Variants in MSH4 observed in about 807,000 individuals in gnomAD.
The protein encoded by MSH4 is mutS homolog 4.
MSH4 carries 106 observed loss-of-function variants against 113.7 expected under a neutral mutation model. The ratio of observed to expected loss-of-function variants is 0.93; its 90% CI spans 0.80 to 1.10. MSH4 has a LOEUF of 1.10. Ranked by LOEUF, MSH4 falls within the 50% of genes least tolerant of loss-of-function variation. The probability of loss-of-function intolerance (pLI) is 0.00; values close to 1 mark genes in which losing one functional copy is unlikely to be tolerated. For missense variants in MSH4, 1,061 were observed against 1,093.7 expected (o/e 0.97, Z 0.42); for synonymous variants, 368 against 380.2 (o/e 0.97, Z 0.37).
intron 9 of MSH4, among the ~76,000 whole-genome samples, chr1:75,873,789 A>G (rs1165909175): frequency 1.3e-5 from 2 of 152,102 alleles, no homozygotes; most frequent in Non-Finnish European, 2.9e-5. Context: ...CATGATGTAT[A>G]TAAACCACAT....
chr1:75,882,368 C>T (rs953873758), intron 14 of MSH4, among the ~76,000 whole-genome samples: 1 of 151,846 alleles, frequency 6.6e-6, no homozygotes, highest in African/African-American at 2.4e-5. Flanking sequence ...CAAGTTTATG[C>T]ATTTTAGATA....
chr1:75,878,205 T>C lies in MSH4; in HGVS notation c.1427T>C (p.Met476Thr), dbSNP rs140589707. Residue 476 changes from methionine to threonine, a missense_variant, in exon 11 of 20, where the codon ATG (methionine) becomes ACG (threonine). Physicochemically the swap from Met to Thr is moderately conservative, Grantham distance 81. Coordinates refer to ENST00000263187, the MANE Select transcript of MSH4 (RefSeq NM_002440.4). ...KTVINDDARY[M>T]KGCLNMRTQK... ...GTAATTAATGATGATGCAAGATACA[T>C]GAAAGGATGCCTAAACATGAGGACT... The C allele has an allele frequency of 2.5e-5, 40 of 1,609,626 alleles. No homozygotes were observed. The highest frequency in any genetic ancestry group is 3.3e-5 in the Non-Finnish European group (39 of 1,178,410).
chr1:75,823,791 G>C (rs1650483261), intron 7 of MSH4, among the ~76,000 whole-genome samples: 1 of 152,114 alleles, frequency 6.6e-6, no homozygotes, highest in Admixed American at 6.6e-5. Context: ...CCATGTCCCT[G>C]CAGAGGTCAT....
chr1:75,885,094 T>A (rs1652041867), intron 15 of MSH4, among the ~76,000 whole-genome samples: 1 of 137,002 alleles, frequency 7.3e-6, no homozygotes, highest in Admixed American at 7.8e-5. Flanking sequence ...GAGGCTTCTG[T>A]AATAATCTAG....
chr1:75,867,250 A>T (rs183834004), intron 8 of MSH4, among the ~76,000 whole-genome samples: 1 of 152,332 alleles, frequency 6.6e-6, no homozygotes, highest in Admixed American at 6.5e-5. Flanking sequence ...TTCAGTTTAA[A>T]TTGAACCCAA....
At chr1:75,884,149 T>C (rs1652002572) in intron 15 of MSH4, among the ~76,000 whole-genome samples, 2 of 152,146 alleles carry the variant, frequency 1.3e-5, no homozygotes, top group South Asian at 4.1e-4. Flanking sequence ...CAAAGTTTGT[T>C]GTGAGAAAAA....
At chr1:75,800,887 G>C (rs1165906335) in intron 1 of MSH4, among the ~76,000 whole-genome samples, 1 of 152,152 alleles carries the variant, frequency 6.6e-6, no homozygotes, top group Non-Finnish European at 1.5e-5. Context: ...TGTCCGATGT[G>C]GTAACTAGTA....
intron 7 of MSH4, among the ~76,000 whole-genome samples, chr1:75,842,629 G>A (rs1650984436): frequency 3.3e-5 from 5 of 152,202 alleles, no homozygotes; most frequent in Admixed American, 3.3e-4. Flanking sequence ...AGGAGACACA[G>A]TGAGAAGTGA....
At chr1:75,814,443 C>A (rs5019550) in intron 4 of MSH4, among the ~76,000 whole-genome samples, 4 of 151,692 alleles carry the variant, frequency 2.6e-5, no homozygotes, top group African/African-American at 9.7e-5. Flanking sequence ...CCAGCCTGGG[C>A]AACAGAGTGA....
chr1:75,797,014 C>G lies in MSH4; in HGVS notation c.29C>G (p.Ser10Trp). Residue 10 changes from serine (S) to tryptophan (W), a missense_variant, in exon 1 of 20, where the codon TCG becomes TGG. By Grantham distance (177) the Ser-to-Trp change is radical. Transcript: ENST00000263187. ...CTGAGGCCTGAGATCTCATCAACCT[C>G]GCCTTCTGCCCCGGCGGTTTCCCCG... Reference protein sequence around the residue: MLRPEISSTSPSAPAVSPSS... With the variant: MLRPEISSTWPSAPAVSPSS... The G allele has an allele frequency of 6.2e-7, 1 of 1,614,100 alleles. No individual in the cohort carries two copies. Among genetic ancestry groups the G allele is most frequent in the South Asian group, 1.1e-5 (1 of 91,082 alleles).
At position 75,803,914 on chromosome 1, in the gene MSH4, G is replaced by A; in HGVS notation, c.427+1G>A. The A allele has an allele frequency of 6.8e-7, 1 of 1,466,088 alleles. No homozygotes were observed. Among genetic ancestry groups the A allele is most frequent in the Middle Eastern group, 1.8e-4 (1 of 5,524 alleles). The allele number at this position is 1,466,088 out of a possible 1,614,324, so 90.8% of individuals were successfully genotyped here. On this transcript the variant is annotated splice_donor_variant, in intron 2 of 19. Transcript: ENST00000263187. LOFTEE classifies it high-confidence loss of function. ...TGGACACCACAAGTGGGATATTCAG[G>A]TAAAATAAGTGGAAGATTAACCTAG...
At position 75,805,383 on chromosome 1, in the gene MSH4, GTTTT is replaced by G. The variant is rs35951661; in HGVS notation, c.427+1482_427+1485del. On this transcript the variant is annotated intron_variant, in intron 2 of 19. Coordinates refer to ENST00000263187, the MANE Select transcript of MSH4 (RefSeq NM_002440.4). ...TTATTTTTTTTAATTACCATTTTTTGTTTTTTTTTTTTTTTGGTTTTTGAGACGA... is the reference window on the plus strand; with the variant it reads ...TTATTTTTTTTAATTACCATTTTTTGTTTTTTTTTTTGGTTTTTGAGACGA... Among the ~76,000 whole-genome samples the G allele has an allele frequency of 1.0e-4, 13 of 124,306 alleles. 1 individual carries two copies. The highest frequency in any genetic ancestry group is 4.2e-3 in the Middle Eastern group (1 of 236). The allele number at this position is 124,306 out of a possible 152,430, so 81.5% of individuals were successfully genotyped here. A position where few individuals can be genotyped will look rare whatever the true frequency, so the allele number is the denominator to read the frequency against.
At chr1:75,840,315 T>C (rs932369271) in intron 7 of MSH4, among the ~76,000 whole-genome samples, 5 of 142,368 alleles carry the variant, frequency 3.5e-5, no homozygotes, top group Non-Finnish European at 6.1e-5. Flanking sequence ...GTGGCACATA[T>C]ACACCACGGA....
rs1206935138 is a variant in MSH4, at chr1:75,899,719, G to T, written c.2619+13G>T. ...GAGACAAATTTTGGTAAGAAACTTT[G>T]TTCTTATTTGTTCTTCAAATTAAAA... On this transcript the variant is annotated intron_variant, in intron 19 of 19. Transcript: ENST00000263187. 1 of 1,399,962 alleles carries T rather than the reference G, an allele frequency of 7.1e-7. No individual in the cohort carries two copies. The highest frequency in any genetic ancestry group is 9.5e-7 in the Non-Finnish European group (1 of 1,054,202). The allele number at this position is 1,399,962 out of a possible 1,614,324, so 86.7% of individuals were successfully genotyped here.
At chr1:75,845,668 A>C (rs1021140021) in intron 7 of MSH4, among the ~76,000 whole-genome samples, 1 of 152,096 alleles carries the variant, frequency 6.6e-6, no homozygotes, top group Non-Finnish European at 1.5e-5. Flanking sequence ...TGGCTTTCTC[A>C]GATTGGAGTT....
At chr1:75,813,892 T>C (rs1387407340) in intron 4 of MSH4, among the ~76,000 whole-genome samples, 1 of 151,942 alleles carries the variant, frequency 6.6e-6, no homozygotes, top group Non-Finnish European at 1.5e-5. Context: ...ATATGAAGTA[T>C]AAGGAAAATG....
intron 12 of MSH4, 110 bp from the exon 13 acceptor site, chr1:75,879,940 C>A (rs1651894647): frequency 1.6e-6 from 1 of 629,660 alleles, no homozygotes; most frequent in South Asian, 2.0e-5. Flanking sequence ...GATACCATAT[C>A]TCAAAGAGTA....
intron 19 of MSH4, among the ~76,000 whole-genome samples, chr1:75,905,336 T>G (rs1652601188): frequency 6.6e-6 from 1 of 152,088 alleles, no homozygotes; most frequent in Non-Finnish European, 1.5e-5. Context: ...TTATTTTCCA[T>G]GTATTTATAT....
At chr1:75,826,170 A>G (rs886987154) in intron 7 of MSH4, among the ~76,000 whole-genome samples, 1 of 152,110 alleles carries the variant, frequency 6.6e-6, no homozygotes, top group African/African-American at 2.4e-5. Flanking sequence ...CACAGATTCA[A>G]CTTCTTCCTG....
Sources: gnomAD v4.1 joint callset for allele counts (sites outside exome capture counted in the v4.1 genomes callset) on GRCh38, gnomAD v4.1.1 for gene constraint, MANE v1.5 for transcripts, NCBI Gene and HGNC (gene_info 2026-07-23, HGNC 2026-07-21) for gene names.